The following FCHO1 variants were observed in gnomAD, a reference collection of about 807,000 sequenced individuals.
FCHO1 encodes FCH and mu domain containing endocytic adaptor 1.
FCHO1 carries 45 observed loss-of-function variants against 114.4 expected under a neutral mutation model. The observed-to-expected ratio is 0.39, with a 90% CI of 0.31 to 0.50. The LOEUF (loss-of-function observed/expected upper bound fraction) is 0.50, where lower values mean the gene tolerates loss of function less well. Ranked by LOEUF, FCHO1 falls within the 20% of genes least tolerant of loss-of-function variation. FCHO1 has a pLI of 0.77. For synonymous variants in FCHO1, 480 were observed against 488.9 expected, an observed-to-expected ratio of 0.98 and a Z score of 0.24; for missense variants, 1,042 against 1,209.6, an observed-to-expected ratio of 0.86 and a Z score of 2.06.
chr19:17,749,342 C>G (rs116426706), upstream of FCHO1, among the ~76,000 whole-genome samples: 365 of 152,208 alleles, frequency 2.4e-3, 1 homozygote, highest in African/African-American at 8.3e-3. Flanking sequence ...GGGCTGAATT[C>G]CTCTGGGAAG....
chr19:17,778,810 C>T lies in FCHO1; in HGVS notation c.1553C>T (p.Pro518Leu), dbSNP rs1205712038. ...PPPEARGIRA[P>L]PLPDSPQPLA... The stretch of plus-strand genomic sequence containing the variant: ...CCAGAGGCCAGGGGTATCCGGGCAC[C>T]GCCTCTGCCAGACTCGCCGCAGCCC... The change falls in exon 20 of 29, where the codon CCG (proline) becomes CTG (leucine). Residue 518 changes from proline to leucine, a missense_variant. Physicochemically the swap from Pro to Leu is moderately conservative, Grantham distance 98. Transcript: ENST00000596536. 3.9e-6 allele frequency: 6 copies of T among 1,546,926 alleles called. No individual in the cohort carries two copies. The highest frequency in any genetic ancestry group is 2.7e-5 in the African/African-American group (2 of 73,816).
Position 17,776,393 on chromosome 19 carries a change from G to A in FCHO1, c.1207+122G>A. ...GGCTGCTTAACCACACTGACCTTCA[G>A]TCTCCTTTTCTGTAAAATGAGGTCA... On this transcript the variant is annotated intron_variant, in intron 17 of 28. Transcript: ENST00000596536. The surrounding 1 kb of genome is among the most constrained non-coding windows in gnomAD (Gnocchi z 4.4). 7.7e-7 allele frequency: 1 copy of A among 1,293,438 alleles called. No homozygotes were observed. The highest frequency in any genetic ancestry group is 1.7e-5 in the Admixed American group (1 of 59,260). The allele number at this position is 1,293,438 out of a possible 1,614,324, so 80.1% of individuals were successfully genotyped here.
Position 17,784,937 on chromosome 19 carries a change from G to A in FCHO1, c.2426+13G>A, listed in dbSNP as rs369611432. 109 of 1,606,704 alleles carry A rather than the reference G, an allele frequency of 6.8e-5. No homozygotes were observed. The highest frequency in any genetic ancestry group is 1.8e-4 in the Middle Eastern group (1 of 5,408). Reference sequence around the variant, plus strand: ...CGGCTGCCACCTGGTGAGGGCTTGCGGGAGGCCAAGGAAAACTCAGCAGTT... The same window carrying A: ...CGGCTGCCACCTGGTGAGGGCTTGCAGGAGGCCAAGGAAAACTCAGCAGTT... On this transcript the variant is annotated intron_variant, in intron 26 of 28. Transcript: ENST00000596536. This position sits in a 1 kb window ranked among gnomAD's most constrained non-coding sequence, Gnocchi z 5.3.
At position 17,787,732 on chromosome 19, in the gene FCHO1, C is replaced by A. The variant is rs752912429; in HGVS notation, c.2533C>A (p.Pro845Thr). ...SWEPLSGPST[P>T]SPVAAQFTSE... is the part of the protein sequence containing the mutation. ...GGAGCCGCTCTCAGGGCCCAGCACA[C>A]CCAGCCCCGTGGCTGCACAGTTCAC... The change falls in exon 28 of 29, where the codon CCC (proline) becomes ACC (threonine). Residue 845 changes from proline to threonine, a missense_variant. Around this residue, in one of 3 missense-constraint regions of FCHO1, gnomAD observed 137 missense variants for 190.0 expected, o/e 0.72. Transcript: ENST00000596536. 1.0e-5 allele frequency: 16 copies of A among 1,586,116 alleles called. No individual in the cohort carries two copies. The South Asian group carries it at 1.8e-4, about 18-fold the overall frequency.
Position 17,781,783 on chromosome 19 carries a change from G to A in FCHO1, c.1900G>A (p.Glu634Lys). Residue 634 changes from glutamate (E) to lysine (K), a missense_variant, in exon 23 of 29, where the codon GAG becomes AAG. Physicochemically the swap from Glu to Lys is moderately conservative, Grantham distance 56 (BLOSUM62 1). Around this residue, in one of 3 missense-constraint regions of FCHO1, gnomAD observed 455 missense variants for 455.4 expected, o/e 1.00. Transcript: ENST00000596536. ...CCTGCCCATAGCCACAGCCTTCACA[G>A]AGTATGTCCACGCCTACTTCCGTGG... ...DALPIATAFTEYVHAYFRGHS... is the reference protein window; with the variant it reads ...DALPIATAFTKYVHAYFRGHS... 1 of 1,610,536 alleles carries A rather than the reference G, an allele frequency of 6.2e-7. No individual in the cohort carries two copies. Among genetic ancestry groups the A allele is most frequent in the Non-Finnish European group, 8.5e-7 (1 of 1,178,234 alleles).
At chr19:17,769,458 A>G (rs1421396001) in intron 7 of FCHO1, among the ~76,000 whole-genome samples, 1 of 151,254 alleles carries the variant, frequency 6.6e-6, no homozygotes, top group Non-Finnish European at 1.5e-5. Flanking sequence ...CGGCGCCTGT[A>G]GTCTCAGCTA....
Position 17,775,911 on chromosome 19 carries a change from C to A in FCHO1, c.1004-72C>A. The A allele has an allele frequency of 6.4e-7, 1 of 1,551,810 alleles. No homozygotes were observed. The highest frequency in any genetic ancestry group is 8.7e-7 in the Non-Finnish European group (1 of 1,147,696). On this transcript the variant is annotated intron_variant, in intron 15 of 28. Coordinates refer to ENST00000596536, the MANE Select transcript of FCHO1 (RefSeq NM_015122.3). The surrounding 1 kb of genome is among the most constrained non-coding windows in gnomAD (Gnocchi z 5.1). Reference sequence around the variant, plus strand: ...CTCGAAGGGTTTGAGCAGGGAGGGACGAGGCTGGATTGGAGAGCTGACTGG... The same window carrying A: ...CTCGAAGGGTTTGAGCAGGGAGGGAAGAGGCTGGATTGGAGAGCTGACTGG...
intron 18 of FCHO1, among the ~76,000 whole-genome samples, chr19:17,777,853 G>C (rs2092835455): frequency 6.6e-6 from 1 of 152,052 alleles, no homozygotes; most frequent in Non-Finnish European, 1.5e-5. Context: ...AGGCTGGCCA[G>C]CATGGTAAAA....
intron 18 of FCHO1, among the ~76,000 whole-genome samples, chr19:17,777,784 C>A (rs1470627666): frequency 1.3e-5 from 2 of 152,068 alleles, no homozygotes; most frequent in East Asian, 3.9e-4. Context: ...GTGGCTCACA[C>A]CTGCAATCCC....
intron 24 of FCHO1, 105 bp downstream of exon 24, chr19:17,783,277 T>C (rs999622813): frequency 8.3e-5 from 106 of 1,281,448 alleles, no homozygotes; most frequent in Middle Eastern, 2.4e-4. Context: ...TTTTCTTTTT[T>C]TTTTGTAGAG....
chr19:17,769,274 C>CAAAAAAAAAAAAA (rs34490038), intron 7 of FCHO1, among the ~76,000 whole-genome samples: 2 of 51,814 alleles, frequency 3.9e-5, no homozygotes, highest in African/African-American at 1.8e-4. Context: ...GACTCCGCCT[C>CAAAAAAAAAAAAA]AAAAAAAAAA....
intron 13 of FCHO1, 60 bp downstream of exon 13, chr19:17,774,538 A>G (rs2092341027): frequency 7.2e-7 from 1 of 1,386,866 alleles, no homozygotes. Context: ...TCCCCTGCCC[A>G]GGCTATCCCA....
chr19:17,774,394 C>T lies in FCHO1; in HGVS notation c.836C>T (p.Ala279Val), dbSNP rs1179826090. The change falls in exon 13 of 29, where the codon GCG (alanine) becomes GTG (valine). Residue 279 changes from alanine (A) to valine (V), a missense_variant and splice_region_variant. Ala to Val is a moderately conservative substitution (Grantham distance 64). This residue lies in a region of FCHO1 where 450 missense variants were observed against 564.1 expected (regional missense o/e 0.80). Coordinates refer to ENST00000596536, the MANE Select transcript of FCHO1 (RefSeq NM_015122.3). The part of the protein sequence containing the change: ...EAYSAAALQE[A>V]MKRLRGAKAF... ...CAGGTGCCCCCCAATCTATCCTCAGCGATGAAACGTTTGCGGGGAGCCAAG... is the reference window on the plus strand; with the variant it reads ...CAGGTGCCCCCCAATCTATCCTCAGTGATGAAACGTTTGCGGGGAGCCAAG... 6.8e-6 allele frequency: 11 copies of T among 1,614,006 alleles called. No homozygotes were observed. The East Asian group carries it at 1.1e-4, about 16-fold the overall frequency.
intron 27 of FCHO1, 24 bp downstream of exon 27, chr19:17,786,653 GCTGGGTGGGAGGGA>G: frequency 6.3e-7 from 1 of 1,597,524 alleles, no homozygotes; most frequent in Non-Finnish European, 8.6e-7. Flanking sequence ...GTGTATGAGG[GCTGGGTGGGAGGGA>G]CTGGGGTCAG....
intron 4 of FCHO1, among the ~76,000 whole-genome samples, chr19:17,760,475 G>T (rs1487578819): frequency 6.6e-6 from 1 of 152,178 alleles, no homozygotes; most frequent in Non-Finnish European, 1.5e-5. Flanking sequence ...TCATGCGGCA[G>T]AGGGTCCCAA....
chr19:17,770,966 A>T, intron 9 of FCHO1, 70 bp downstream of exon 9: 1 of 1,383,228 alleles, frequency 7.2e-7, no homozygotes. Flanking sequence ...GACTGCAGAA[A>T]TCCCAGGCAG....
At position 17,751,627 on chromosome 19, in the gene FCHO1, C is replaced by G. The variant is rs1396267293; in HGVS notation, c.-183+50C>G. The G allele has an allele frequency of 2.0e-5, 3 of 152,434 alleles. No individual in the cohort carries two copies. Among genetic ancestry groups the G allele is most frequent in the East Asian group, 1.9e-4 (1 of 5,200 alleles). 9.4% of individuals were successfully genotyped at this position (152,434 alleles called of 1,614,324 possible). A position where few individuals can be genotyped will look rare whatever the true frequency, so the allele number is the denominator to read the frequency against. ...ATACCCATCATCTCGCCTTGGCCCC[C>G]CTCAGGAACAGAGGGGAGGCCCCCC... On this transcript the variant is annotated intron_variant, in intron 1 of 28. Transcript: ENST00000596536. This position sits in a 1 kb window ranked among gnomAD's most constrained non-coding sequence, Gnocchi z 4.4.
intron 13 of FCHO1, chr19:17,774,759 G>C: frequency 1.7e-6 from 1 of 585,108 alleles, no homozygotes; most frequent in South Asian, 2.1e-5. Context: ...AGCTGGCCCA[G>C]GATTGTTCTG....
chr19:17,771,628 C>T (rs2091584655), intron 9 of FCHO1, among the ~76,000 whole-genome samples: 1 of 151,482 alleles, frequency 6.6e-6, no homozygotes, highest in Admixed American at 6.6e-5. Context: ...GAGATTGCGC[C>T]ACTGCACTCC....
Sources: allele counts gnomAD v4.1 joint callset (sites outside exome capture counted in the v4.1 genomes callset), GRCh38; gene constraint gnomAD v4.1.1; regional missense constraint gnomAD v4.1.1; non-coding constraint Gnocchi (gnomAD v3.1); transcripts MANE v1.5; gene names NCBI Gene and HGNC (gene_info 2026-07-23, HGNC 2026-07-21).